The following TNFRSF6B variants were observed in gnomAD, a reference collection of about 807,000 sequenced individuals.
The protein encoded by TNFRSF6B is tumor necrosis factor receptor superfamily member 6B.
In TNFRSF6B, 23 loss-of-function variants were observed where a neutral mutation model predicts 17.9. The observed-to-expected ratio is 1.28, with a 90% CI of 0.92 to 1.82. The LOEUF (loss-of-function observed/expected upper bound fraction) is 1.82. Ranked by LOEUF, TNFRSF6B falls within the 40% of genes most tolerant of loss-of-function variation. The pLI is 0.00. For synonymous variants in TNFRSF6B, 291 were observed against 195.8 expected (o/e 1.49, Z -4.06); for missense variants, 555 against 437.2 (o/e 1.27, Z -2.40).
At position 63,696,890 on chromosome 20, in the gene TNFRSF6B, A is replaced by G; in HGVS notation, c.123A>G (p.Ala41=). The part of the protein sequence containing the change: ...AETPTYPWRD[A]ETGERLVCAQ... ...CACCCACCTACCCCTGGCGGGACGC[A>G]GAGACAGGGGAGCGGCTGGTGTGCG... Residue 41 remains alanine (A), a synonymous_variant, in exon 1 of 3, where the codon GCA becomes GCG. Coordinates refer to ENST00000369996, the MANE Select transcript of TNFRSF6B (RefSeq NM_003823.4). 8 of 1,611,834 alleles carry G rather than the reference A, an allele frequency of 5.0e-6. No homozygotes were observed. Among genetic ancestry groups the G allele is most frequent in the Non-Finnish European group, 6.8e-6 (8 of 1,179,484 alleles).
intron 2 of TNFRSF6B, among the ~76,000 whole-genome samples, chr20:63,697,866 C>T (rs2091017412): frequency 6.6e-6 from 1 of 152,192 alleles, no homozygotes; most frequent in Admixed American, 6.5e-5. Context: ...AGGAAGGTGG[C>T]TGCCTCCTCT....
Position 63,697,307 on chromosome 20 carries a change from GTTC to G in TNFRSF6B, c.425-17_425-15del. 1 of 1,603,582 alleles carries G rather than the reference GTTC, an allele frequency of 6.2e-7. No individual in the cohort carries two copies. The highest frequency in any genetic ancestry group is 1.3e-5 in the African/African-American group (1 of 74,638). On this transcript the variant is annotated intron_variant, in intron 1 of 2. Coordinates refer to ENST00000369996, the MANE Select transcript of TNFRSF6B (RefSeq NM_003823.4). ...CTAGGACACCAGTTCCCCTGACCCT[GTTC>G]TTCCCTCCTGGCTGCAGGCACCCCC...
Position 63,697,145 on chromosome 20 carries a change from C to A in TNFRSF6B, c.378C>A (p.Cys126Ter). ...RTGFFAHAGF[C>*]LEHASCPPGA... ...GCTTCTTCGCGCACGCTGGTTTCTG[C>A]TTGGAGCACGCATCGTGTCCACCTG... The change falls in exon 1 of 3, where the codon TGC (cysteine) becomes TGA (stop). Residue 126 changes from cysteine to a stop codon, truncating the protein, a stop_gained. Coordinates refer to ENST00000369996, the MANE Select transcript of TNFRSF6B (RefSeq NM_003823.4). LOFTEE classifies it high-confidence loss of function. The A allele has an allele frequency of 6.3e-7, 1 of 1,581,550 alleles. No individual in the cohort carries two copies. Among genetic ancestry groups the A allele is most frequent in the Non-Finnish European group, 8.6e-7 (1 of 1,166,182 alleles).
At position 63,696,681 on chromosome 20, in the gene TNFRSF6B, C is replaced by T. The variant is rs572399772; in HGVS notation, c.-87C>T. On this transcript the variant is annotated 5_prime_UTR_variant, in exon 1 of 3. Coordinates refer to ENST00000369996, the MANE Select transcript of TNFRSF6B (RefSeq NM_003823.4). ...TTGGGCGGCCCCTCCGCAGGCGGAC[C>T]GGGGGCAAAGGAGGTGGCATGTCGG... 1.8e-5 allele frequency: 25 copies of T among 1,398,620 alleles called. 1 individual carries two copies. The highest frequency in any genetic ancestry group is 8.9e-5 in the South Asian group (6 of 67,398). The allele number at this position is 1,398,620 out of a possible 1,614,324, so 86.6% of individuals were successfully genotyped here.
Position 63,697,476 on chromosome 20 carries a change from C to G in TNFRSF6B, c.573C>G (p.Thr191=), listed in dbSNP as rs1291205. ...LNVPGSSSHD[T]LCTSCTGFPL... ...TGCCAGGCTCTTCCTCCCATGACAC[C>G]CTGTGCACCAGCTGCACTGGCTTCC... The change falls in exon 2 of 3, where the codon ACC becomes ACG. Residue 191 remains threonine (T), a synonymous_variant. Coordinates refer to ENST00000369996, the MANE Select transcript of TNFRSF6B (RefSeq NM_003823.4). 380,905 of 1,577,530 alleles carry G rather than the reference C, an allele frequency of 0.24. 51,509 individuals are homozygous for G. Among genetic ancestry groups the G allele is most frequent in the East Asian group, 0.62 (26,328 of 42,478 alleles).
chr20:63,697,559 C>T, intron 2 of TNFRSF6B, 37 bp downstream of exon 2: 1 of 1,504,892 alleles, frequency 6.6e-7, no homozygotes, highest in East Asian at 2.5e-5. Context: ...ACACTGCAGG[C>T]CAGGCCCACT....
rs750241656 is a variant in TNFRSF6B at position 63,697,085 on chromosome 20, C to G, written c.318C>G (p.His106Gln). The stretch of plus-strand genomic sequence containing the variant: ...GTGAGGAGGAGGCACGGGCTTGCCA[C>G]GCCACCCACAACCGTGCCTGCCGCT... Reference protein sequence around the residue: ...GEREEEARACHATHNRACRCR... With the variant: ...GEREEEARACQATHNRACRCR... Residue 106 changes from histidine (H) to glutamine (Q), a missense_variant, in exon 1 of 3, where the codon CAC becomes CAG. Physicochemically the swap from His to Gln is conservative, Grantham distance 24. Coordinates refer to ENST00000369996, the MANE Select transcript of TNFRSF6B (RefSeq NM_003823.4). 1 of 1,603,138 alleles carries G rather than the reference C, an allele frequency of 6.2e-7. No homozygotes were observed. Among genetic ancestry groups the G allele is most frequent in the South Asian group, 1.1e-5 (1 of 90,476 alleles).
Position 63,697,001 on chromosome 20 carries a change from C to T in TNFRSF6B, c.234C>T (p.Tyr78=), listed in dbSNP as rs1045509505. The T allele has an allele frequency of 8.7e-6, 14 of 1,608,976 alleles. No individual in the cohort carries two copies. Among genetic ancestry groups the T allele is most frequent in the Non-Finnish European group, 1.1e-5 (13 of 1,179,568 alleles). Residue 78 remains tyrosine, a synonymous_variant, in exon 1 of 3, where the codon TAC becomes TAT. Transcript: ENST00000369996. ...GTGGCCCGTGTCCACCGCGCCACTA[C>T]ACGCAGTTCTGGAACTACCTAGAGC... ...TTCGPCPPRH[Y]TQFWNYLERC...
At chr20:63,697,249 G>A (rs2091002187) in intron 1 of TNFRSF6B, 58 bp downstream of exon 1, 6 of 1,551,656 alleles carry the variant, frequency 3.9e-6, no homozygotes, top group Non-Finnish European at 4.4e-6. Context: ...TGTGGCAGGG[G>A]TCAGGTTGCT....
intron 1 of TNFRSF6B, 57 bp downstream of exon 1, chr20:63,697,248 G>A: frequency 6.4e-7 from 1 of 1,551,078 alleles, no homozygotes; most frequent in Non-Finnish European, 8.7e-7. Context: ...GTGTGGCAGG[G>A]GTCAGGTTGC....
Position 63,698,400 on chromosome 20 carries a change from G to C in TNFRSF6B, c.740G>C (p.Arg247Thr). 1 of 1,600,292 alleles carries C rather than the reference G, an allele frequency of 6.2e-7. No individual in the cohort carries two copies. Among genetic ancestry groups the C allele is most frequent in the Non-Finnish European group, 8.5e-7 (1 of 1,175,210 alleles). ...CCGGAGGGCTGGGGTCCGACACCAA[G>C]GGCGGGCCGCGCGGCCTTGCAGCTG... The part of the protein sequence containing the change: ...EAPEGWGPTP[R>T]AGRAALQLKL... Residue 247 changes from arginine (R) to threonine (T), a missense_variant, in exon 3 of 3, where the codon AGG (arginine) becomes ACG (threonine). Physicochemically the swap from Arg to Thr is moderately conservative, Grantham distance 71. Coordinates refer to ENST00000369996, the MANE Select transcript of TNFRSF6B (RefSeq NM_003823.4).
Position 63,698,288 on chromosome 20 carries a change from G to A in TNFRSF6B, c.628G>A (p.Glu210Lys), listed in dbSNP as rs1200457320. 4 of 1,610,822 alleles carry A rather than the reference G, an allele frequency of 2.5e-6. No individual in the cohort carries two copies. Among genetic ancestry groups the A allele is most frequent in the Non-Finnish European group, 3.4e-6 (4 of 1,179,182 alleles). The part of the protein sequence containing the change: ...PLSTRVPGAE[E>K]CERAVIDFVA... ...TCCCCACCCCACTGCAGGAGCTGAG[G>A]AGTGTGAGCGTGCCGTCATCGACTT... Residue 210 changes from glutamate to lysine, a missense_variant, in exon 3 of 3, where the codon GAG (glutamate) becomes AAG (lysine). Coordinates refer to ENST00000369996, the MANE Select transcript of TNFRSF6B (RefSeq NM_003823.4).
rs760536052 is a variant in TNFRSF6B, at chr20:63,696,846, G to A, written c.79G>A (p.Val27Ile). 2 of 1,611,396 alleles carry A rather than the reference G, an allele frequency of 1.2e-6. No individual in the cohort carries two copies. Among genetic ancestry groups the A allele is most frequent in the East Asian group, 4.5e-5 (2 of 44,836 alleles). The change falls in exon 1 of 3, where the codon GTA becomes ATA. Residue 27 changes from valine (V) to isoleucine (I), a missense_variant. Val to Ile is a conservative substitution (Grantham distance 29, BLOSUM62 3). Transcript: ENST00000369996. The part of the protein sequence containing the change: ...ALPALLPVPA[V>I]RGVAETPTYP... ...GCCTGCCCTGCTGCCGGTGCCGGCT[G>A]TACGCGGAGTGGCAGAAACACCCAC...
Position 63,698,648 on chromosome 20 carries a change from T to C in TNFRSF6B, c.*85T>C. On this transcript the variant is annotated 3_prime_UTR_variant, in exon 3 of 3. Coordinates refer to ENST00000369996, the MANE Select transcript of TNFRSF6B (RefSeq NM_003823.4). ...TTTTTTTAAATAGAAGAAATGAGGTTTCTTAAAGCTTATTTTTATAAAGCT... is the reference window on the plus strand; with the variant it reads ...TTTTTTTAAATAGAAGAAATGAGGTCTCTTAAAGCTTATTTTTATAAAGCT... The C allele has an allele frequency of 1.5e-6, 2 of 1,338,380 alleles. No individual in the cohort carries two copies. The highest frequency in any genetic ancestry group is 3.1e-5 in the African/African-American group (2 of 64,056). The allele number at this position is 1,338,380 out of a possible 1,614,324, so 82.9% of individuals were successfully genotyped here. A position where few individuals can be genotyped will look rare whatever the true frequency, so the allele number is the denominator to read the frequency against.
At chr20:63,697,811 C>CA (rs1303470643) in intron 2 of TNFRSF6B, among the ~76,000 whole-genome samples, 4 of 152,148 alleles carry the variant, frequency 2.6e-5, no homozygotes, top group Non-Finnish European at 4.4e-5. Flanking sequence ...GCTCCTCTGA[C>CA]ACGGGGAAAC....
chr20:63,697,462 T>C lies in TNFRSF6B; in HGVS notation c.559T>C (p.Ser187Pro). The C allele has an allele frequency of 2.5e-6, 4 of 1,591,724 alleles. No individual in the cohort carries two copies. The highest frequency in any genetic ancestry group is 3.4e-6 in the Non-Finnish European group (4 of 1,169,910). ...CCTGGCCCTCAATGTGCCAGGCTCT[T>C]CCTCCCATGACACCCTGTGCACCAG... ...LGLALNVPGS[S>P]SHDTLCTSCT... The change falls in exon 2 of 3, where the codon TCC becomes CCC. Residue 187 changes from serine to proline, a missense_variant. Ser to Pro is a moderately conservative substitution (Grantham distance 74). Coordinates refer to ENST00000369996, the MANE Select transcript of TNFRSF6B (RefSeq NM_003823.4).
At position 63,698,617 on chromosome 20, in the gene TNFRSF6B, G is replaced by A; in HGVS notation, c.*54G>A. ...CCTTGGCACCCCACTTGCACTGAAA[G>A]AGGCTTTTTTTTAAATAGAAGAAAT... On this transcript the variant is annotated 3_prime_UTR_variant, in exon 3 of 3. Transcript: ENST00000369996. 6 of 1,424,070 alleles carry A rather than the reference G, an allele frequency of 4.2e-6. No homozygotes were observed. In the South Asian group the frequency reaches 4.8e-5, roughly 11 times the overall value. The allele number at this position is 1,424,070 out of a possible 1,614,324, so 88.2% of individuals were successfully genotyped here.
intron 2 of TNFRSF6B, among the ~76,000 whole-genome samples, 177 bp downstream of exon 2, chr20:63,697,699 G>C (rs545963863): frequency 6.6e-6 from 1 of 152,202 alleles, no homozygotes; most frequent in East Asian, 1.9e-4. Flanking sequence ...TGCCCTCTCA[G>C]GGGTGGCTGA....
Position 63,698,661 on chromosome 20 carries a change from T to C in TNFRSF6B, c.*98T>C, listed in dbSNP as rs977539445. 11 of 1,292,878 alleles carry C rather than the reference T, an allele frequency of 8.5e-6. No homozygotes were observed. The highest frequency in any genetic ancestry group is 1.9e-5 in the African/African-American group (1 of 51,588). 80.1% of individuals were successfully genotyped at this position (1,292,878 alleles called of 1,614,324 possible). A position where few individuals can be genotyped will look rare whatever the true frequency, so the allele number is the denominator to read the frequency against. ...AAGAAATGAGGTTTCTTAAAGCTTA[T>C]TTTTATAAAGCTTTTTCATAAAACT... is the stretch of plus-strand genomic sequence containing the variant. On this transcript the variant is annotated 3_prime_UTR_variant, in exon 3 of 3. Transcript: ENST00000369996.
Sources: allele counts gnomAD v4.1 joint callset (sites outside exome capture counted in the v4.1 genomes callset), GRCh38; gene constraint gnomAD v4.1.1; transcripts MANE v1.5; gene names NCBI Gene and HGNC (gene_info 2026-07-23, HGNC 2026-07-21).